The following TNRC18 variants were observed in gnomAD, a reference collection of about 807,000 sequenced individuals.
TNRC18 encodes the protein trinucleotide repeat containing 18.
In TNRC18, 69 loss-of-function variants were observed where a neutral mutation model predicts 226.7. That is an observed-to-expected ratio of 0.30 (90% CI 0.25 to 0.37). The LOEUF (loss-of-function observed/expected upper bound fraction) is 0.37, where lower values mean the gene tolerates loss of function less well. Ranked by LOEUF, TNRC18 falls within the 10% of genes least tolerant of loss-of-function variation. The pLI, the probability that TNRC18 is intolerant of heterozygous loss-of-function variation, is 1.00. For missense variants in TNRC18, 4,754 were observed against 4,256.6 expected (o/e 1.12, Z -3.25); for synonymous variants, 2,449 against 1,927.6 (o/e 1.27, Z -7.09).
At chr7:5,399,997 G>A (rs1481654963) in intron 2 of TNRC18, among the ~76,000 whole-genome samples, 8 of 152,118 alleles carry the variant, frequency 5.3e-5, no homozygotes, top group Middle Eastern at 3.4e-3. Context: ...TCAAGCAATC[G>A]CCCCACCTTT....
chr7:5,391,961 T>C (rs1780334912), intron 3 of TNRC18, among the ~76,000 whole-genome samples: 1 of 149,426 alleles, frequency 6.7e-6, no homozygotes, highest in Admixed American at 6.7e-5. Context: ...AAGCCCAGAG[T>C]CCTATGGGAT....
In TNRC18 at chr7:5,345,611, C is replaced by T. The variant is rs1218154786; in HGVS notation, c.5670G>A (p.Leu1890=). The T allele has an allele frequency of 1.3e-6, 2 of 1,536,874 alleles. No homozygotes were observed. Among genetic ancestry groups the T allele is most frequent in the East Asian group, 2.5e-5 (1 of 39,782 alleles). Residue 1890 remains leucine, a synonymous_variant, in exon 18 of 30, where the codon CTG becomes CTA. Coordinates refer to ENST00000430969, the MANE Select transcript of TNRC18 (RefSeq NM_001080495.3). The part of the protein sequence containing the change: ...TVGPSLSVVQ[L]EAKQKARKKE... ...TCTTCCGGGCCTTCTGCTTGGCCTC[C>T]AGCTGTACCACAGACAGGGATGGAC... is the stretch of plus-strand genomic sequence containing the variant.
At chr7:5,381,016 C>T in intron 5 of TNRC18, among the ~76,000 whole-genome samples, 1 of 152,166 alleles carries the variant, frequency 6.6e-6, no homozygotes, top group East Asian at 1.9e-4. Context: ...CTGCCCCAAG[C>T]CCTCTGTCCC....
chr7:5,373,366 A>G (rs1475688039), intron 10 of TNRC18, among the ~76,000 whole-genome samples: 20 of 152,098 alleles, frequency 1.3e-4, no homozygotes, highest in Non-Finnish European at 5.9e-5. Flanking sequence ...CTGTCCCCCA[A>G]GTGTAATCTC....
intron 2 of TNRC18, among the ~76,000 whole-genome samples, chr7:5,395,742 A>G (rs760276786): frequency 4.6e-5 from 7 of 152,254 alleles, no homozygotes; most frequent in Non-Finnish European, 8.8e-5. Context: ...CTATAATCCC[A>G]GCACTCTGGG....
intron 1 of TNRC18, among the ~76,000 whole-genome samples, chr7:5,422,243 G>A (rs1161281562): frequency 6.6e-6 from 1 of 152,184 alleles, no homozygotes; most frequent in Admixed American, 6.5e-5. Flanking sequence ...AGCTCCTGCA[G>A]CCCGAGGACC....
chr7:5,360,132 C>T (rs930022625), intron 14 of TNRC18, among the ~76,000 whole-genome samples: 6 of 152,204 alleles, frequency 3.9e-5, no homozygotes, highest in African/African-American at 1.4e-4. Flanking sequence ...GTACTTGGCA[C>T]TCACTCACTG....
intron 5 of TNRC18, among the ~76,000 whole-genome samples, chr7:5,378,481 C>T (rs1213527354): frequency 6.6e-6 from 1 of 151,010 alleles, no homozygotes; most frequent in African/African-American, 2.4e-5. Flanking sequence ...TGCAGTGGCA[C>T]GATCTCGGCT....
rs747165231 is a variant in TNRC18 at position 5,313,726 on chromosome 7, C to A, written c.7165G>T (p.Ala2389Ser). ...PVDKRAKAPK[A>S]RPAPPQPSPA... ...CTGGGCTGCGGCGGTGCCGGGCGCG[C>A]CTTGGGGGCCTTGGCTCGCTTGTCC... Residue 2389 changes from alanine (A) to serine (S), a missense_variant, in exon 27 of 30, where the codon GCG becomes TCG. Coordinates refer to ENST00000430969, the MANE Select transcript of TNRC18 (RefSeq NM_001080495.3). 1 of 1,576,808 alleles carries A rather than the reference C, an allele frequency of 6.3e-7. No homozygotes were observed. Among genetic ancestry groups the A allele is most frequent in the Admixed American group, 1.8e-5 (1 of 55,800 alleles).
At chr7:5,326,069 C>G (rs1788887059) in intron 19 of TNRC18, among the ~76,000 whole-genome samples, 1 of 151,970 alleles carries the variant, frequency 6.6e-6, no homozygotes. Context: ...GCCCCGTCTG[C>G]CCAAAAAAGA....
chr7:5,395,574 A>G (rs1780618266), intron 2 of TNRC18, among the ~76,000 whole-genome samples: 1 of 152,226 alleles, frequency 6.6e-6, no homozygotes, highest in East Asian at 1.9e-4. Context: ...GTCAGAGAGA[A>G]GCATGCAGGC....
chr7:5,333,255 G>T (rs1583808237), intron 18 of TNRC18, among the ~76,000 whole-genome samples: 1 of 152,132 alleles, frequency 6.6e-6, no homozygotes. Context: ...ACGCCGCCTC[G>T]GCTGCCCGGA....
In TNRC18 at chr7:5,356,828, G is replaced by A. The variant is rs1431451425; in HGVS notation, c.5194+88C>T. The A allele has an allele frequency of 1.3e-5, 17 of 1,324,700 alleles. No individual in the cohort carries two copies. The South Asian group carries it at 1.4e-4, about 11-fold the overall frequency. The allele number at this position is 1,324,700 out of a possible 1,614,324, so 82.1% of individuals were successfully genotyped here. On this transcript the variant is annotated intron_variant, in intron 16 of 29. Transcript: ENST00000430969. The stretch of plus-strand genomic sequence containing the variant: ...AGCGAGAGCGAGAGAGAGAGTGAGG[G>A]GCGGGGGGGGAAGGAGGACGGTGGA...
In TNRC18 at chr7:5,423,589, C is replaced by T. The variant is rs1209230290; in HGVS notation, c.-392G>A. On this transcript the variant is annotated 5_prime_UTR_variant, in exon 1 of 30. Transcript: ENST00000430969. ...CCCGCAGCCGCCTCACACTTTTTGCCCGCCTTTCCTTTTTTTGGTAGAAAA... is the reference window on the plus strand; with the variant it reads ...CCCGCAGCCGCCTCACACTTTTTGCTCGCCTTTCCTTTTTTTGGTAGAAAA... The T allele has an allele frequency of 1.3e-5, 2 of 151,992 alleles. No homozygotes were observed. The highest frequency in any genetic ancestry group is 6.6e-5 in the Admixed American group (1 of 15,248). The allele number at this position is 151,992 out of a possible 1,614,324, so 9.4% of individuals were successfully genotyped here. A position where few individuals can be genotyped will look rare whatever the true frequency, so the allele number is the denominator to read the frequency against.
intron 11 of TNRC18, among the ~76,000 whole-genome samples, chr7:5,366,913 T>C (rs1793678025): frequency 6.6e-6 from 1 of 152,214 alleles, no homozygotes; most frequent in Admixed American, 6.6e-5. Context: ...CCAGTGGTGA[T>C]GGGTTCAGTC....
At chr7:5,311,584 C>A (rs1562473878) in intron 27 of TNRC18, among the ~76,000 whole-genome samples, 1 of 152,152 alleles carries the variant, frequency 6.6e-6, no homozygotes, top group African/African-American at 2.4e-5. Flanking sequence ...GAGGCTGAGG[C>A]GGGAGGATCA....
chr7:5,345,517 G>GGTCCCCCCC, intron 18 of TNRC18, 45 bp downstream of exon 18: 1 of 377,744 alleles, frequency 2.6e-6, no homozygotes, highest in Admixed American at 4.8e-5. Context: ...AATGGCGTCC[G>GGTCCCCCCC]CCCCTCCCAC....
chr7:5,360,909 A>G (rs1792967035), intron 14 of TNRC18, among the ~76,000 whole-genome samples: 1 of 152,114 alleles, frequency 6.6e-6, no homozygotes, highest in Admixed American at 6.5e-5. Flanking sequence ...TCCTCAGGGC[A>G]GGTCTTGAGC....
At chr7:5,337,683 A>G (rs1790266196) in intron 18 of TNRC18, among the ~76,000 whole-genome samples, 1 of 152,128 alleles carries the variant, frequency 6.6e-6, no homozygotes, top group East Asian at 1.9e-4. Context: ...AGCCATTTAA[A>G]TGATTAAAAC....
Sources: gnomAD v4.1 joint callset for allele counts (sites outside exome capture counted in the v4.1 genomes callset) on GRCh38, gnomAD v4.1.1 for gene constraint, MANE v1.5 for transcripts, NCBI Gene and HGNC (gene_info 2026-07-23, HGNC 2026-07-21) for gene names.